EDDM13: variants seen among roughly 807,000 people sequenced by gnomAD.
EDDM13 encodes epididymal protein 13.
EDDM13 carries 24 observed loss-of-function variants against 17.8 expected under a neutral mutation model. The observed-to-expected ratio is 1.35, with a 90% CI of 0.98 to 1.90. The LOEUF is 1.90. Ranked by LOEUF, EDDM13 falls within the 40% of genes most tolerant of loss-of-function variation. The pLI is 0.00. For missense variants in EDDM13, 97 were observed against 100.8 expected (o/e 0.96, Z 0.16); for synonymous variants, 31 against 37.5 (o/e 0.83, Z 0.63).
At chr19:56,278,680 G>A (rs1017061301) in intron 2 of EDDM13, among the ~76,000 whole-genome samples, 2 of 152,242 alleles carry the variant, frequency 1.3e-5, no homozygotes, top group Non-Finnish European at 2.9e-5. Context: ...GGCCAGTAGT[G>A]TGGCTCAGTC....
intron 12 of EDDM13, among the ~76,000 whole-genome samples, chr19:56,301,726 T>C (rs1017425642): frequency 2.0e-5 from 3 of 152,042 alleles, no homozygotes; most frequent in Non-Finnish European, 4.4e-5. Flanking sequence ...AGGGTCAGAT[T>C]TGGTGATGTC....
intron 4 of EDDM13, 86 bp downstream of exon 4, chr19:56,282,585 T>C: frequency 1.2e-6 from 1 of 838,290 alleles, no homozygotes; most frequent in Non-Finnish European, 1.4e-6. Flanking sequence ...TCGACTTACG[T>C]TTCTTCTCTG....
chr19:56,273,965 T>C (rs942038909), intron 1 of EDDM13, among the ~76,000 whole-genome samples: 1 of 152,092 alleles, frequency 6.6e-6, no homozygotes, highest in Non-Finnish European at 1.5e-5. Flanking sequence ...AACACACAAG[T>C]TAGAAAACGT....
chr19:56,304,041 A>G (rs925881017), intron 13 of EDDM13, among the ~76,000 whole-genome samples: 5 of 152,304 alleles, frequency 3.3e-5, no homozygotes, highest in Admixed American at 3.3e-4. Context: ...GTTCTAAGCT[A>G]GTGGACAGCC....
intron 13 of EDDM13, among the ~76,000 whole-genome samples, chr19:56,303,900 T>G (rs1215980707): frequency 2.0e-5 from 3 of 152,030 alleles, no homozygotes; most frequent in Non-Finnish European, 4.4e-5. Context: ...AAAGCAGGCA[T>G]GCACAGCAGA....
chr19:56,304,707 G>C lies in EDDM13; in HGVS notation c.424-86G>C, dbSNP rs146763588. 496 of 772,258 alleles carry C rather than the reference G, an allele frequency of 6.4e-4. 3 individuals carry two copies. The East Asian group carries it at 0.031, about 48-fold the overall frequency. 47.8% of individuals were successfully genotyped at this position (772,258 alleles called of 1,614,324 possible). On this transcript the variant is annotated intron_variant, in intron 13 of 14. Transcript: ENST00000649256. The stretch of plus-strand genomic sequence containing the variant: ...GACGGGAAAGAAGCGAGAGGGGGAT[G>C]GGGAGAAAGGGAGGTAAGGAAGGAA...
chr19:56,277,809 A>G (rs2038378510), intron 2 of EDDM13, among the ~76,000 whole-genome samples: 1 of 152,206 alleles, frequency 6.6e-6, no homozygotes, highest in Non-Finnish European at 1.5e-5. Context: ...TACAATGTAC[A>G]TTACAAAGAT....
At chr19:56,294,913 T>C (rs529875949) in intron 9 of EDDM13, among the ~76,000 whole-genome samples, 5 of 152,166 alleles carry the variant, frequency 3.3e-5, no homozygotes, top group African/African-American at 7.2e-5. Context: ...CTCTACGACA[T>C]GTCCACAGCA....
chr19:56,309,085 G>C (rs1018982348), intron 14 of EDDM13, among the ~76,000 whole-genome samples: 2 of 152,190 alleles, frequency 1.3e-5, no homozygotes, highest in Admixed American at 6.5e-5. Flanking sequence ...ACAAAACGTA[G>C]TGCATTCATA....
chr19:56,288,989 C>T (rs561556773), intron 8 of EDDM13, among the ~76,000 whole-genome samples, 98 bp downstream of exon 8: 40 of 152,284 alleles, frequency 2.6e-4, no homozygotes, highest in African/African-American at 9.6e-4. Context: ...AGGGTTGGTC[C>T]AGGCCCCAGT....
intron 6 of EDDM13, chr19:56,286,768 G>A (rs1421992060): frequency 2.6e-5 from 4 of 152,248 alleles, no homozygotes; most frequent in African/African-American, 4.8e-5. Context: ...TACCCAAGGA[G>A]TTCAAGCTGA....
At chr19:56,287,892 A>T (rs1256228427) in intron 6 of EDDM13, among the ~76,000 whole-genome samples, 1 of 152,238 alleles carries the variant, frequency 6.6e-6, no homozygotes, top group Non-Finnish European at 1.5e-5. Context: ...TAAATGCCAC[A>T]AAAGCTACAG....
At chr19:56,309,895 G>C (rs1242754245) in intron 14 of EDDM13, among the ~76,000 whole-genome samples, 1 of 152,154 alleles carries the variant, frequency 6.6e-6, no homozygotes, top group Non-Finnish European at 1.5e-5. Flanking sequence ...GGGTCCATAA[G>C]ATCTGAGGGA....
chr19:56,299,770 T>C (rs997648939), intron 12 of EDDM13: 1 of 152,264 alleles, frequency 6.6e-6, no homozygotes, highest in African/African-American at 2.4e-5. Context: ...TATTGTTGTA[T>C]TGCTATTTTT....
chr19:56,297,623 G>T, intron 12 of EDDM13, 92 bp downstream of exon 12: 1 of 759,612 alleles, frequency 1.3e-6, no homozygotes, highest in Non-Finnish European at 1.6e-6. Flanking sequence ...GAAGATTTCA[G>T]GTAATCAAGG....
intron 9 of EDDM13, among the ~76,000 whole-genome samples, chr19:56,293,567 G>A (rs1333722481): frequency 1.3e-5 from 2 of 152,228 alleles, no homozygotes; most frequent in Non-Finnish European, 2.9e-5. Context: ...TTCTAGTTCC[G>A]TGGGCTTCGG....
At chr19:56,301,851 C>T in intron 12 of EDDM13, 117 bp from the exon 13 acceptor site, 1 of 1,187,932 alleles carries the variant, frequency 8.4e-7, no homozygotes, top group Non-Finnish European at 1.1e-6. Flanking sequence ...AATTTCAATT[C>T]AGGAGGCAGG....
rs890881159 is a variant in EDDM13, at chr19:56,302,713, TC to T, written c.423+621del. 23 of 328,454 alleles carry T rather than the reference TC, an allele frequency of 7.0e-5. 1 individual carries two copies. The highest frequency in any genetic ancestry group is 1.7e-5 in the Non-Finnish European group (3 of 181,530). The allele number at this position is 328,454 out of a possible 1,614,324, so 20.3% of individuals were successfully genotyped here. On this transcript the variant is annotated intron_variant, in intron 13 of 14. Coordinates refer to ENST00000649256, the MANE Select transcript of EDDM13 (RefSeq NM_001354658.2). ...TCTCTCCTTCCTTCTCTTTCCTTCT[TC>T]CCTCCCTCCCACCTCTAGACTGGGA...
chr19:56,290,803 A>G (rs560795807), intron 8 of EDDM13, among the ~76,000 whole-genome samples, 38 bp from the exon 9 acceptor site: 9 of 152,190 alleles, frequency 5.9e-5, no homozygotes, highest in African/African-American at 2.2e-4. Flanking sequence ...TCTTCTCCAC[A>G]CTGACTCCCC....
Sources: allele counts gnomAD v4.1 joint callset (sites outside exome capture counted in the v4.1 genomes callset), GRCh38; gene constraint gnomAD v4.1.1; transcripts MANE v1.5; gene names NCBI Gene and HGNC (gene_info 2026-07-23, HGNC 2026-07-21).